Variants in ABR observed in about 807,000 individuals in gnomAD.
ABR encodes active breakpoint cluster region-related protein.
ABR carries 35 observed loss-of-function variants against 107.2 expected under a neutral mutation model. That is an observed-to-expected ratio of 0.33 (90% CI 0.25 to 0.43). The LOEUF (loss-of-function observed/expected upper bound fraction) is 0.43. Among genes scored for constraint, ABR ranks in the 20% least tolerant of loss-of-function variants. ABR has a pLI of 1.00. For synonymous variants in ABR, 498 were observed against 462.0 expected, an observed-to-expected ratio of 1.08 and a Z score of -1.00; for missense variants, 815 against 1,115.2, an observed-to-expected ratio of 0.73 and a Z score of 3.83.
chr17:1,056,238 G>A (rs960328414), intron 13 of ABR, 129 bp from the exon 14 acceptor site: 6 of 823,038 alleles, frequency 7.3e-6, no homozygotes, highest in East Asian at 5.1e-5. Flanking sequence ...CCACCTGGTG[G>A]CCAGATGAAA....
intron 1 of ABR, among the ~76,000 whole-genome samples, chr17:1,226,218 C>A (rs1198573320): frequency 6.6e-6 from 1 of 152,154 alleles, no homozygotes; most frequent in Non-Finnish European, 1.5e-5. Context: ...GGAAGACCGC[C>A]CGGGTGCTTC....
At chr17:1,024,277 C>T (rs1001476133) in intron 16 of ABR, among the ~76,000 whole-genome samples, 4 of 152,164 alleles carry the variant, frequency 2.6e-5, no homozygotes, top group African/African-American at 4.8e-5. Flanking sequence ...CGTGCCAGGA[C>T]GGGCACCACA....
rs188250358 is a variant in ABR at position 1,186,084 on chromosome 17, G to A, written c.-78+716C>T. On this transcript the variant is annotated intron_variant, in intron 1 of 22. Coordinates refer to the ABR transcript ENST00000544583. ...ACTCCCAACCTCAGGTGATCCGCCC[G>A]CCTCCACCTCCCAAAGTGCTGGGAT... 1.2e-3 allele frequency among the ~76,000 whole-genome samples: 187 copies of A among 152,266 alleles called. 2 individuals carry two copies. Among genetic ancestry groups the A allele is most frequent in the African/African-American group, 4.1e-3 (171 of 41,548 alleles).
chr17:1,137,406 G>T (rs985933540), intron 1 of ABR, among the ~76,000 whole-genome samples: 1 of 148,748 alleles, frequency 6.7e-6, no homozygotes, highest in Non-Finnish European at 1.5e-5. Context: ...CCACTGTAGG[G>T]TTACTCACTG....
chr17:1,061,494 C>T (rs2033918712), intron 10 of ABR, among the ~76,000 whole-genome samples: 1 of 152,132 alleles, frequency 6.6e-6, no homozygotes. Context: ...TGAAAGGATC[C>T]TCAGAGAGGC....
In ABR at chr17:1,159,584, A is replaced by AATGCAGTACTCACGCACAAGGGAAGT. The variant is rs1567841505; in HGVS notation, c.61+20082_61+20083insACTTCCCTTGTGCGTGAGTACTGCAT. Among the ~76,000 whole-genome samples the AATGCAGTACTCACGCACAAGGGAAGT allele has an allele frequency of 8.8e-4, 26 of 29,634 alleles. 1 individual carries two copies. Among genetic ancestry groups the AATGCAGTACTCACGCACAAGGGAAGT allele is most frequent in the African/African-American group, 1.9e-3 (15 of 7,994 alleles). 19.4% of individuals were successfully genotyped at this position (29,634 alleles called of 152,430 possible). ...GGTACTCACACACGGGAGAAGTAAG[A>AATGCAGTACTCACGCACAAGGGAAGT]ATGCGGTACTCACACACATGAGAAG... On this transcript the variant is annotated intron_variant, in intron 1 of 22. Transcript: ENST00000302538.
At chr17:1,058,301 G>A (rs1456954490) in intron 11 of ABR, among the ~76,000 whole-genome samples, 2 of 152,042 alleles carry the variant, frequency 1.3e-5, no homozygotes, top group Non-Finnish European at 2.9e-5. Flanking sequence ...CACCACGCCC[G>A]GCTAATTTTT....
At chr17:1,159,929 G>A (rs1035291157) in intron 1 of ABR, among the ~76,000 whole-genome samples, 7 of 152,236 alleles carry the variant, frequency 4.6e-5, no homozygotes, top group African/African-American at 7.2e-5. Flanking sequence ...GCCTGATCTC[G>A]GCGAGGGATG....
chr17:1,049,849 A>AGCCGCGCAGATGACCCACCTGAGGG, intron 16 of ABR: 1 of 633,434 alleles, frequency 1.6e-6, no homozygotes, highest in Non-Finnish European at 2.7e-6. Context: ...CCACCTGAGG[A>AGCCGCGCAGATGACCCACCTGAGGG]GCCACGCACA....
At chr17:1,091,297 G>C (rs529623722) in intron 4 of ABR, among the ~76,000 whole-genome samples, 1 of 152,040 alleles carries the variant, frequency 6.6e-6, no homozygotes, top group Non-Finnish European at 1.5e-5. Context: ...GAGAGAGAGG[G>C]AGCACCGTCC....
chr17:1,036,997 A>ATCCT (rs2073230037), intron 16 of ABR, among the ~76,000 whole-genome samples: 1 of 151,022 alleles, frequency 6.6e-6, no homozygotes, highest in African/African-American at 2.4e-5. Flanking sequence ...CCTTCCTTCC[A>ATCCT]TCCTTCCTTC....
At chr17:1,201,577 G>A (rs190665691) in intron 1 of ABR, among the ~76,000 whole-genome samples, 8 of 152,270 alleles carry the variant, frequency 5.3e-5, no homozygotes, top group Non-Finnish European at 1.2e-4. Flanking sequence ...CGGCAACCCC[G>A]ATATTGTGCG....
In ABR at chr17:1,005,007, C is replaced by T; in HGVS notation, c.*1073G>A. 2 of 399,076 alleles carry T rather than the reference C, an allele frequency of 5.0e-6. No individual in the cohort carries two copies. Among genetic ancestry groups the T allele is most frequent in the East Asian group, 7.1e-5 (2 of 28,084 alleles). 24.7% of individuals were successfully genotyped at this position (399,076 alleles called of 1,614,324 possible). Reference sequence around the variant, plus strand: ...CTGCTTCGGCCACATCAGTCACCCTCCAGGAAGCCTGGCCCCTCTTGAAAA... The same window carrying T: ...CTGCTTCGGCCACATCAGTCACCCTTCAGGAAGCCTGGCCCCTCTTGAAAA... On this transcript the variant is annotated 3_prime_UTR_variant, in exon 23 of 23. Transcript: ENST00000302538.
intron 9 of ABR, among the ~76,000 whole-genome samples, chr17:1,068,870 G>A (rs1176757023): frequency 6.6e-6 from 1 of 152,208 alleles, no homozygotes; most frequent in Non-Finnish European, 1.5e-5. Flanking sequence ...AACAACAGTC[G>A]CTACTTTGTG....
chr17:1,079,294 G>A, intron 6 of ABR, 36 bp downstream of exon 6: 2 of 1,605,644 alleles, frequency 1.2e-6, no homozygotes, highest in South Asian at 2.2e-5. Flanking sequence ...CCAGACAAAG[G>A]TAGGTGCCTG....
rs374132646 is a variant in ABR, at chr17:1,057,958, G to T, written c.1381+12C>A. 2 of 1,611,312 alleles carry T rather than the reference G, an allele frequency of 1.2e-6. No individual in the cohort carries two copies. Among genetic ancestry groups the T allele is most frequent in the African/African-American group, 2.7e-5 (2 of 74,810 alleles). On this transcript the variant is annotated intron_variant, in intron 12 of 22. Transcript: ENST00000302538. Reference sequence around the variant, plus strand: ...GACATCATTGGGGAGCGTGGAAGAGGCAGGAATTTACCCTTCTTCTGTAGT... The same window carrying T: ...GACATCATTGGGGAGCGTGGAAGAGTCAGGAATTTACCCTTCTTCTGTAGT...
At chr17:1,218,101 T>C (rs2150753464) in intron 1 of ABR, among the ~76,000 whole-genome samples, 1 of 152,370 alleles carries the variant, frequency 6.6e-6, no homozygotes, top group South Asian at 2.1e-4. Flanking sequence ...CTCTTGATCA[T>C]CACACCAGTA....
At chr17:1,056,237 G>T in intron 13 of ABR, 128 bp from the exon 14 acceptor site, 1 of 826,858 alleles carries the variant, frequency 1.2e-6, no homozygotes. Context: ...ACCACCTGGT[G>T]GCCAGATGAA....
At chr17:1,219,544 A>G (rs72816229) in intron 1 of ABR, among the ~76,000 whole-genome samples, 28,453 of 142,236 alleles carry the variant, frequency 0.2, 3,082 homozygotes, top group Middle Eastern at 0.22. Context: ...GGCTGGTTGT[A>G]TAGCACGATG....
Sources: gnomAD v4.1 joint callset for allele counts (sites outside exome capture counted in the v4.1 genomes callset) on GRCh38, gnomAD v4.1.1 for gene constraint, MANE v1.5 for transcripts, NCBI Gene and HGNC (gene_info 2026-07-23, HGNC 2026-07-21) for gene names.